The following SPRR2F variants were observed in gnomAD, a reference collection of about 807,000 sequenced individuals.
The protein encoded by SPRR2F is small proline-rich protein 2F.
A neutral mutation model predicts 0.8 loss-of-function variants in SPRR2F; 2 were observed. The ratio of observed to expected loss-of-function variants is 2.52; its 90% CI spans 1.03 to 7.95. The LOEUF (loss-of-function observed/expected upper bound fraction) is 7.95. SPRR2F is among the 30% of genes most tolerant of loss of function. SPRR2F has a pLI of 0.04. For missense variants in SPRR2F, 80 were observed against 85.8 expected (o/e 0.93, Z 0.27); for synonymous variants, 39 against 33.4 (o/e 1.17, Z -0.58).
chr1:153,112,683 C>T lies in SPRR2F; in HGVS notation c.51G>A (p.Val17=). 1 of 1,612,230 alleles carries T rather than the reference C, an allele frequency of 6.2e-7. No individual in the cohort carries two copies. The highest frequency in any genetic ancestry group is 8.5e-7 in the Non-Finnish European group (1 of 1,179,822). ...QCKQPCQPPP[V]CPAPKCPEPC... ...GCTCTGGGCACTTTGGCGCGGGGCA[C>T]ACAGGAGGTGGCTGGCAGGGCTGCT... The change falls in exon 2 of 2, where the codon GTG becomes GTA. Residue 17 remains valine, a synonymous_variant. Transcript: ENST00000468739.
At chr1:153,115,454 CCACT>C (rs1304536878), upstream of SPRR2F, among the ~76,000 whole-genome samples, 2 of 152,132 alleles carry the variant, frequency 1.3e-5, no homozygotes, top group Non-Finnish European at 2.9e-5. Context: ...TGAGAACACC[CCACT>C]CAAACAGGCT....
upstream of SPRR2F, among the ~76,000 whole-genome samples, chr1:153,116,422 T>C (rs1258619264): frequency 6.6e-6 from 1 of 152,222 alleles, no homozygotes; most frequent in Non-Finnish European, 1.5e-5. Context: ...CTTTTCAAAA[T>C]ATTCTCCAAA....
intron 1 of SPRR2F, 67 bp from the exon 2 acceptor site, chr1:153,112,819 G>A (rs775014004): frequency 6.4e-5 from 103 of 1,597,452 alleles, no homozygotes; most frequent in Non-Finnish European, 8.6e-5. Flanking sequence ...CAAAGCTTAT[G>A]TAATACCATG....
chr1:153,113,119 T>C (rs551478036), intron 1 of SPRR2F, among the ~76,000 whole-genome samples: 22 of 152,266 alleles, frequency 1.4e-4, no homozygotes, highest in Admixed American at 3.3e-4. Context: ...TGGGTTGACA[T>C]AGGCACACAG....
chr1:153,118,170 AATAG>A (rs1201780510), upstream of SPRR2F, among the ~76,000 whole-genome samples: 1 of 152,116 alleles, frequency 6.6e-6, no homozygotes, highest in African/African-American at 2.4e-5. Flanking sequence ...TCAGTAGATA[AATAG>A]ATAAATAAAC....
chr1:153,112,303 TG>T lies in SPRR2F; in HGVS notation c.*211del, dbSNP rs1282775384. 3 of 895,928 alleles carry T rather than the reference TG, an allele frequency of 3.3e-6. No individual in the cohort carries two copies. The highest frequency in any genetic ancestry group is 4.9e-6 in the Non-Finnish European group (3 of 611,110). The allele number at this position is 895,928 out of a possible 1,614,324, so 55.5% of individuals were successfully genotyped here. A position where few individuals can be genotyped will look rare whatever the true frequency, so the allele number is the denominator to read the frequency against. ...AGCTGGCACAGCCCAGGACTTCCTT[TG>T]CTCAGTCTCCACCTGGACAGTGGCA... On this transcript the variant is annotated 3_prime_UTR_variant, in exon 2 of 2. Transcript: ENST00000468739.
In SPRR2F at chr1:153,112,622, G is replaced by T; in HGVS notation, c.112C>A (p.Pro38Thr). The change falls in exon 2 of 2, where the codon CCA (proline) becomes ACA (threonine). Residue 38 changes from proline (P) to threonine (T), a missense_variant. Pro to Thr is a conservative substitution (Grantham distance 38). Transcript: ENST00000468739. ...PPPKCPEPCP[P>T]SKCPQSCPPQ... ...GGGCAGGACTGTGGACACTTTGATG[G>T]TGGGCAGGGCTCAGGGCACTTCGGG... The T allele has an allele frequency of 6.2e-7, 1 of 1,612,728 alleles. No individual in the cohort carries two copies. Among genetic ancestry groups the T allele is most frequent in the South Asian group, 1.1e-5 (1 of 91,004 alleles).
At position 153,112,545 on chromosome 1, in the gene SPRR2F, G is replaced by T. The variant is rs765661445; in HGVS notation, c.189C>A (p.Cys63Ter). Reference protein sequence around the residue: ...KCPPVTPSPPCQPKCPPKSK With the variant: ...KCPPVTPSPP ...TGCTCTTGGGTGGACACTTTGGCTG[G>T]CAGGGTGGGGAAGGTGTCACAGGAG... is the stretch of plus-strand genomic sequence containing the variant. Residue 63 changes from cysteine (C) to a stop codon, truncating the protein, a stop_gained, in exon 2 of 2, where the codon TGC becomes TGA. Transcript: ENST00000468739. LOFTEE classifies it high-confidence loss of function. 6.2e-7 allele frequency: 1 copy of T among 1,612,932 alleles called. No homozygotes were observed. The highest frequency in any genetic ancestry group is 1.1e-5 in the South Asian group (1 of 90,988).
At chr1:153,115,496 G>C (rs901149162), upstream of SPRR2F, among the ~76,000 whole-genome samples, 1 of 152,162 alleles carries the variant, frequency 6.6e-6, no homozygotes, top group Non-Finnish European at 1.5e-5. Context: ...AGGCACCAGA[G>C]TGGCAGCAGC....
At chr1:153,116,856 T>C (rs530584437), upstream of SPRR2F, among the ~76,000 whole-genome samples, 3 of 152,090 alleles carry the variant, frequency 2.0e-5, no homozygotes, top group Admixed American at 6.5e-5. Context: ...TTGGAAGAAA[T>C]TGATAGTTAT....
chr1:153,119,167 A>C, the SPRR2F span, among the ~76,000 whole-genome samples: 1 of 152,242 alleles, frequency 6.6e-6, no homozygotes, highest in Non-Finnish European at 1.5e-5. Context: ...AAAATCAAGC[A>C]ATCATGGAAG....
At chr1:153,114,179 T>G (rs1348082487), upstream of SPRR2F, among the ~76,000 whole-genome samples, 1 of 151,750 alleles carries the variant, frequency 6.6e-6, no homozygotes, top group Non-Finnish European at 1.5e-5. Flanking sequence ...TCTATCTTTC[T>G]CTCTCATAGA....
At chr1:153,114,923 G>A (rs572531888), upstream of SPRR2F, among the ~76,000 whole-genome samples, 35 of 152,296 alleles carry the variant, frequency 2.3e-4, no homozygotes, top group African/African-American at 7.7e-4. Flanking sequence ...TAGTCAGAAA[G>A]CTTTCCAAGA....
chr1:153,116,114 T>A (rs983348058), upstream of SPRR2F, among the ~76,000 whole-genome samples: 19 of 152,218 alleles, frequency 1.2e-4, no homozygotes, highest in Admixed American at 1.3e-4. Flanking sequence ...CTCTGTGAAT[T>A]TCTGCTTCTG....
chr1:153,112,381 C>T lies in SPRR2F; in HGVS notation c.*134G>A, dbSNP rs1655607784. The stretch of plus-strand genomic sequence containing the variant: ...TTTGCTATCAGAGATCATCACAGGC[C>T]GATCACAGGCTAAGAGGAAAGAAGC... On this transcript the variant is annotated 3_prime_UTR_variant, in exon 2 of 2. Coordinates refer to ENST00000468739, the MANE Select transcript of SPRR2F (RefSeq NM_001014450.3). The T allele has an allele frequency of 4.8e-6, 7 of 1,455,496 alleles. No individual in the cohort carries two copies. The highest frequency in any genetic ancestry group is 2.3e-5 in the East Asian group (1 of 43,614). The allele number at this position is 1,455,496 out of a possible 1,614,324, so 90.2% of individuals were successfully genotyped here.
upstream of SPRR2F, among the ~76,000 whole-genome samples, chr1:153,113,766 G>A (rs1273012640): frequency 1.3e-5 from 2 of 152,074 alleles, no homozygotes; most frequent in African/African-American, 4.8e-5. Context: ...AGAGGGACTT[G>A]GGGGATTCTC....
At chr1:153,116,427 T>C (rs1175276513), upstream of SPRR2F, among the ~76,000 whole-genome samples, 7 of 152,208 alleles carry the variant, frequency 4.6e-5, no homozygotes, top group African/African-American at 1.7e-4. Context: ...CAAAATATTC[T>C]CCAAATGTTA....
chr1:153,118,337 G>C (rs539977872), upstream of SPRR2F, among the ~76,000 whole-genome samples: 37 of 152,180 alleles, frequency 2.4e-4, no homozygotes, highest in African/African-American at 8.7e-4. Context: ...TTCCATATAT[G>C]TGACTTCAGT....
upstream of SPRR2F, among the ~76,000 whole-genome samples, chr1:153,117,248 T>G (rs970012270): frequency 6.6e-6 from 1 of 151,912 alleles, no homozygotes; most frequent in Non-Finnish European, 1.5e-5. Flanking sequence ...AAAATGGGAG[T>G]TAATCAAAGA....
Sources: gnomAD v4.1 joint callset for allele counts (sites outside exome capture counted in the v4.1 genomes callset) on GRCh38, gnomAD v4.1.1 for gene constraint, MANE v1.5 for transcripts, NCBI Gene and HGNC (gene_info 2026-07-23, HGNC 2026-07-21) for gene names.